Variants in H2BC4 observed in about 807,000 individuals in gnomAD.
H2BC4 encodes the protein H2B clustered histone 4.
In H2BC4, 10 loss-of-function variants were observed where a neutral mutation model predicts 6.2. That is an observed-to-expected ratio of 1.61 (90% CI 0.99 to 2.73). H2BC4 has a LOEUF of 2.73. Ranked by LOEUF, H2BC4 falls within the 30% of genes most tolerant of loss-of-function variation. The pLI is 0.00. For missense variants in H2BC4, 176 were observed against 168.7 expected, an observed-to-expected ratio of 1.04 and a Z score of -0.24; for synonymous variants, 146 against 70.7, an observed-to-expected ratio of 2.07 and a Z score of -5.35.
At chr6:26,123,424 A>G, downstream of H2BC4, 1 of 1,552,252 alleles carries the variant, frequency 6.4e-7, no homozygotes, top group Non-Finnish European at 8.7e-7. Flanking sequence ...CTCCGCCGCC[A>G]AATAAAATTT....
At chr6:26,122,420 G>C (rs13197334), downstream of H2BC4, among the ~76,000 whole-genome samples, 16,732 of 152,160 alleles carry the variant, frequency 0.11, 1,042 homozygotes, top group African/African-American at 0.16. Context: ...AAAAAGATAG[G>C]TAGACTACGT....
At chr6:26,117,023 C>T (rs2113794327) in intron 1 of H2BC4, among the ~76,000 whole-genome samples, 1 of 152,202 alleles carries the variant, frequency 6.6e-6, no homozygotes, top group South Asian at 2.1e-4. Flanking sequence ...TATATCCTTC[C>T]AAATCTGGAA....
downstream of H2BC4, among the ~76,000 whole-genome samples, chr6:26,113,766 T>C (rs198835): frequency 0.095 from 14,452 of 151,984 alleles, 896 homozygotes; most frequent in South Asian, 0.2. Context: ...CTGGATTCTG[T>C]TGAGGGCTCT....
chr6:26,121,622 G>A (rs1169908141), downstream of H2BC4, among the ~76,000 whole-genome samples: 1 of 152,102 alleles, frequency 6.6e-6, no homozygotes, highest in African/African-American at 2.4e-5. Context: ...CTATGTAAGA[G>A]AAAGGGGAAA....
downstream of H2BC4, among the ~76,000 whole-genome samples, chr6:26,113,584 G>A (rs1425192854): frequency 6.6e-6 from 1 of 152,188 alleles, no homozygotes; most frequent in African/African-American, 2.4e-5. Context: ...CCTTGGACAA[G>A]TTTAACTTTT....
At chr6:26,120,251 G>C (rs1561954091), downstream of H2BC4, among the ~76,000 whole-genome samples, 2 of 152,092 alleles carry the variant, frequency 1.3e-5, no homozygotes, top group Non-Finnish European at 2.9e-5. Context: ...CTGAGTTCGA[G>C]ACCAGTTTGG....
At chr6:26,122,380 A>G (rs1763511646), downstream of H2BC4, among the ~76,000 whole-genome samples, 2 of 152,194 alleles carry the variant, frequency 1.3e-5, no homozygotes, top group African/African-American at 4.8e-5. Flanking sequence ...GCAAACTTCT[A>G]GGTGCTAAAA....
At chr6:26,122,295 T>C (rs1763509361), downstream of H2BC4, among the ~76,000 whole-genome samples, 1 of 152,202 alleles carries the variant, frequency 6.6e-6, no homozygotes, top group Non-Finnish European at 1.5e-5. Flanking sequence ...CTAAATTACA[T>C]GGTATTTAAG....
downstream of H2BC4, among the ~76,000 whole-genome samples, chr6:26,119,253 C>T (rs1007806647): frequency 7.2e-5 from 11 of 151,996 alleles, no homozygotes; most frequent in African/African-American, 2.7e-4. Flanking sequence ...TCTAAAGTGG[C>T]GAAAGCAACA....
downstream of H2BC4, among the ~76,000 whole-genome samples, chr6:26,114,558 T>C (rs182049339): frequency 1.3e-5 from 2 of 152,224 alleles, no homozygotes; most frequent in East Asian, 1.9e-4. Flanking sequence ...AAAATGTTTT[T>C]CACTTTTGAT....
chr6:26,115,528 T>C (rs954136690), intron 1 of H2BC4, among the ~76,000 whole-genome samples: 1 of 152,182 alleles, frequency 6.6e-6, no homozygotes, highest in Non-Finnish European at 1.5e-5. Flanking sequence ...ACTTGAAGGA[T>C]AAAAATTTAT....
chr6:26,113,468 C>T (rs1431915534), downstream of H2BC4, among the ~76,000 whole-genome samples: 1 of 152,186 alleles, frequency 6.6e-6, no homozygotes, highest in Non-Finnish European at 1.5e-5. Context: ...GGACATTTGG[C>T]TGTTGACTGT....
rs772133942 is a variant in H2BC4 at position 26,123,915 on chromosome 6, C to T, written c.-11G>A. 6.8e-6 allele frequency: 11 copies of T among 1,611,604 alleles called. No homozygotes were observed. The highest frequency in any genetic ancestry group is 1.7e-5 in the Admixed American group (1 of 58,988). On this transcript the variant is annotated 5_prime_UTR_variant, in exon 1 of 1. Coordinates refer to ENST00000396984, the MANE Select transcript of H2BC4 (RefSeq NM_003526.3). ...GGCTGGCTCAGGCATCTTAAAACAC[C>T]AGAAATGTGTCGAAAGTAAAGAGCG...
At chr6:26,115,009 T>C (rs1268069956) in exon 2 of H2BC4, 1 of 152,196 alleles carries the variant, frequency 6.6e-6, no homozygotes. Flanking sequence ...CCTTCTTTGA[T>C]TGTTCAAAAT....
intron 1 of H2BC4, among the ~76,000 whole-genome samples, chr6:26,116,062 T>G (rs1276010647): frequency 6.6e-6 from 1 of 152,182 alleles, no homozygotes; most frequent in African/African-American, 2.4e-5. Context: ...TTATTCATAT[T>G]TCTCTTGAAT....
rs1467369296 is a variant in H2BC4, at chr6:26,123,850, C to G, written c.55G>C (p.Val19Leu). Residue 19 changes from valine (V) to leucine (L), a missense_variant, in exon 1 of 1, where the codon GTG becomes CTG. Coordinates refer to ENST00000396984, the MANE Select transcript of H2BC4 (RefSeq NM_003526.3). ...PAPKKGSKKA[V>L]TKAQKKDGKK... The stretch of plus-strand genomic sequence containing the variant: ...CCATCTTTCTTCTGCGCTTTGGTCA[C>G]TGCCTTCTTGGAGCCCTTCTTCGGG... 1.2e-6 allele frequency: 2 copies of G among 1,614,270 alleles called. No individual in the cohort carries two copies. Among genetic ancestry groups the G allele is most frequent in the South Asian group, 1.1e-5 (1 of 91,090 alleles).
chr6:26,121,155 C>G (rs1293480646), downstream of H2BC4, among the ~76,000 whole-genome samples: 3 of 152,202 alleles, frequency 2.0e-5, no homozygotes, highest in Non-Finnish European at 4.4e-5. Context: ...AACACCAACT[C>G]TAACCCTGTG....
intron 1 of H2BC4, among the ~76,000 whole-genome samples, chr6:26,116,056 T>C (rs889454358): frequency 6.6e-6 from 1 of 152,186 alleles, no homozygotes; most frequent in African/African-American, 2.4e-5. Flanking sequence ...AAAAGTTTAT[T>C]CATATTTCTC....
chr6:26,119,968 C>G (rs113940134), downstream of H2BC4, among the ~76,000 whole-genome samples: 321 of 151,998 alleles, frequency 2.1e-3, 2 homozygotes, highest in Non-Finnish European at 3.4e-3. Context: ...CACAGTTAAA[C>G]TTTTTTTCTC....
Sources: allele counts gnomAD v4.1 joint callset (sites outside exome capture counted in the v4.1 genomes callset), GRCh38; gene constraint gnomAD v4.1.1; transcripts MANE v1.5; gene names NCBI Gene and HGNC (gene_info 2026-07-23, HGNC 2026-07-21).